SYNPR: variants seen among roughly 807,000 people sequenced by gnomAD.
SYNPR encodes synaptoporin.
A neutral mutation model predicts 32.9 loss-of-function variants in SYNPR; 23 were observed. The ratio of observed to expected loss-of-function variants is 0.70; its 90% CI spans 0.50 to 0.99. The LOEUF (loss-of-function observed/expected upper bound fraction) is 0.99, where lower values mean the gene tolerates loss of function less well. SYNPR is among the 50% of genes least tolerant of loss of function. The pLI is 0.00. For missense variants in SYNPR, 318 were observed against 349.3 expected (o/e 0.91, Z 0.71); for synonymous variants, 146 against 135.9 (o/e 1.07, Z -0.52).
In SYNPR at chr3:63,563,254, C is replaced by T. The variant is rs919469105; in HGVS notation, c.408+6513C>T. The stretch of plus-strand genomic sequence containing the variant: ...TGCTAGGTTGAACCATCCAATTAAC[C>T]TTTGTGTTTCTTGAATCCCACTCCA... On this transcript the variant is annotated intron_variant, in intron 4 of 5. Transcript: ENST00000478300. Among the ~76,000 whole-genome samples, 23 of 152,112 alleles carry T rather than the reference C, an allele frequency of 1.5e-4. 1 individual carries two copies. Among genetic ancestry groups the T allele is most frequent in the Admixed American group, 1.4e-3 (21 of 15,270 alleles).
intron 2 of SYNPR, among the ~76,000 whole-genome samples, chr3:63,457,383 C>T (rs576178365): frequency 4.6e-5 from 7 of 151,950 alleles, no homozygotes; most frequent in Middle Eastern, 3.4e-3. Context: ...TTATTCCTTA[C>T]GATCTTAAGA....
intron 2 of SYNPR, among the ~76,000 whole-genome samples, chr3:63,474,429 G>A (rs1296713258): frequency 6.6e-6 from 1 of 152,186 alleles, no homozygotes; most frequent in Non-Finnish European, 1.5e-5. Flanking sequence ...AAATAAGTGA[G>A]TAAGTAATTG....
intron 2 of SYNPR, chr3:63,427,302 T>C (rs1017122373): frequency 6.6e-6 from 1 of 152,008 alleles, no homozygotes; most frequent in African/African-American, 2.4e-5. Context: ...ATATTTCAAC[T>C]TGTCTGAAAG....
At chr3:63,335,698 C>A (rs913669607) in intron 2 of SYNPR, among the ~76,000 whole-genome samples, 1 of 150,736 alleles carries the variant, frequency 6.6e-6, no homozygotes, top group Non-Finnish European at 1.5e-5. Context: ...CACACTCTCC[C>A]TTTTGCTTGC....
chr3:63,581,555 C>T (rs994908222), intron 4 of SYNPR, among the ~76,000 whole-genome samples: 2 of 148,616 alleles, frequency 1.3e-5, no homozygotes, highest in Non-Finnish European at 3.0e-5. Context: ...AACCTGCCAT[C>T]TCATCAAAAA....
intron 2 of SYNPR, among the ~76,000 whole-genome samples, chr3:63,336,519 C>G (rs1391998605): frequency 8.2e-5 from 4 of 48,814 alleles, no homozygotes; most frequent in African/African-American, 2.8e-4. Context: ...CATTCCCATG[C>G]AAAAAAAAAA....
chr3:63,585,839 T>A (rs1446824844), intron 4 of SYNPR, among the ~76,000 whole-genome samples: 2 of 152,136 alleles, frequency 1.3e-5, no homozygotes, highest in Admixed American at 6.6e-5. Context: ...TAAAAGCCTA[T>A]GAAGTCAAAT....
chr3:63,419,547 T>G (rs1361726512), intron 2 of SYNPR, among the ~76,000 whole-genome samples: 2 of 152,194 alleles, frequency 1.3e-5, no homozygotes, highest in Non-Finnish European at 2.9e-5. Flanking sequence ...TTTTTTATTT[T>G]TTTTCTAATT....
intron 3 of SYNPR, among the ~76,000 whole-genome samples, chr3:63,499,520 G>A (rs1220692822): frequency 6.6e-6 from 1 of 151,956 alleles, no homozygotes; most frequent in Non-Finnish European, 1.5e-5. Flanking sequence ...AGACCAAAGA[G>A]GCAATGAAGA....
At chr3:63,413,634 G>C (rs1452405650) in intron 2 of SYNPR, among the ~76,000 whole-genome samples, 1 of 152,194 alleles carries the variant, frequency 6.6e-6, no homozygotes, top group Non-Finnish European at 1.5e-5. Context: ...GTTATGCTAA[G>C]CTAGAACTTT....
In SYNPR at chr3:63,505,879, A is replaced by T. The variant is rs116516665; in HGVS notation, c.209+24923A>T. ...GTTCAATCAATGACATTAATGCCTT[A>T]TGAAGGGCCTTCTTTGCCAACCCTT... is the stretch of plus-strand genomic sequence containing the variant. On this transcript the variant is annotated intron_variant, in intron 3 of 5. Coordinates refer to ENST00000478300, the MANE Select transcript of SYNPR (RefSeq NM_001130003.2). Among the ~76,000 whole-genome samples the T allele has an allele frequency of 9.8e-3, 1,497 of 152,076 alleles. 24 individuals are homozygous for T. The highest frequency in any genetic ancestry group is 0.034 in the African/African-American group (1,395 of 41,474).
At chr3:63,446,626 C>T (rs1700282342) in intron 2 of SYNPR, among the ~76,000 whole-genome samples, 1 of 152,078 alleles carries the variant, frequency 6.6e-6, no homozygotes. Flanking sequence ...ATAAAGTGAG[C>T]CTGTAAAATG....
At chr3:63,372,285 G>T (rs936806050) in intron 2 of SYNPR, among the ~76,000 whole-genome samples, 1 of 152,022 alleles carries the variant, frequency 6.6e-6, no homozygotes, top group African/African-American at 2.4e-5. Context: ...CTCACCAAGT[G>T]AAGGCCCCAG....
chr3:63,218,619 A>G, the SYNPR span, among the ~76,000 whole-genome samples: 1 of 152,312 alleles, frequency 6.6e-6, no homozygotes, highest in South Asian at 2.1e-4. Context: ...TTGCCTCTTA[A>G]GAAAGTAAAG....
At chr3:63,501,494 C>CA (rs377290258) in intron 3 of SYNPR, among the ~76,000 whole-genome samples, 3,718 of 96,548 alleles carry the variant, frequency 0.039, 95 homozygotes, top group African/African-American at 0.074. Flanking sequence ...CTCCCCCAAC[C>CA]AAAAAAAAAA....
chr3:63,412,754 G>A (rs1484150448), intron 2 of SYNPR, among the ~76,000 whole-genome samples: 3 of 152,074 alleles, frequency 2.0e-5, no homozygotes, highest in Non-Finnish European at 2.9e-5. Context: ...TAAAAGATAA[G>A]GCCAGAGATG....
intron 2 of SYNPR, among the ~76,000 whole-genome samples, chr3:63,316,214 TC>T (rs2087041975): frequency 6.6e-6 from 1 of 151,974 alleles, no homozygotes; most frequent in Non-Finnish European, 1.5e-5. Flanking sequence ...TTATGCCCTT[TC>T]CTGGTTTGGG....
chr3:63,298,029 C>G (rs548643850), intron 2 of SYNPR, among the ~76,000 whole-genome samples: 1 of 152,232 alleles, frequency 6.6e-6, no homozygotes, highest in African/African-American at 2.4e-5. Flanking sequence ...GGAAAGCGGG[C>G]TAGGGAACTA....
chr3:63,294,629 G>T (rs2086774806), intron 2 of SYNPR, among the ~76,000 whole-genome samples: 1 of 152,098 alleles, frequency 6.6e-6, no homozygotes, highest in Admixed American at 6.6e-5. Flanking sequence ...GGGCAGAGAG[G>T]CAAGTACTGA....
Sources: gnomAD v4.1 joint callset for allele counts (sites outside exome capture counted in the v4.1 genomes callset) on GRCh38, gnomAD v4.1.1 for gene constraint, MANE v1.5 for transcripts, NCBI Gene and HGNC (gene_info 2026-07-23, HGNC 2026-07-21) for gene names.